PHLPP1: variants seen among roughly 807,000 people sequenced by gnomAD.
PHLPP1 encodes PH domain leucine-rich repeat-containing protein phosphatase 1.
PHLPP1 carries 42 observed loss-of-function variants against 117.2 expected under a neutral mutation model. The observed-to-expected ratio is 0.36, with a 90% confidence interval of 0.28 to 0.46. The LOEUF is 0.46. PHLPP1 is among the 20% of genes least tolerant of loss of function. The pLI is 1.00. For synonymous variants in PHLPP1, 1,042 were observed against 970.7 expected (o/e 1.07, Z -1.37); for missense variants, 2,084 against 2,241.9 (o/e 0.93, Z 1.42).
At chr18:62,848,912 A>T (rs1915251802) in intron 3 of PHLPP1, among the ~76,000 whole-genome samples, 2 of 152,204 alleles carry the variant, frequency 1.3e-5, no homozygotes, top group South Asian at 4.1e-4. Context: ...TTGTACTTCC[A>T]GTGTTTTACA....
At chr18:62,795,483 A>G (rs1161045513) in intron 1 of PHLPP1, among the ~76,000 whole-genome samples, 4 of 129,226 alleles carry the variant, frequency 3.1e-5, no homozygotes, top group African/African-American at 1.3e-4. Context: ...ACAGAGTGAG[A>G]CTCCATCTCA....
At chr18:62,922,370 C>G (rs900692759) in intron 10 of PHLPP1, among the ~76,000 whole-genome samples, 4 of 152,212 alleles carry the variant, frequency 2.6e-5, no homozygotes, top group Admixed American at 6.5e-5. Flanking sequence ...CTTCTGATCT[C>G]AAGTGATCCA....
At position 62,977,603 on chromosome 18, in the gene PHLPP1, CT is replaced by C. The variant is rs1414715329; in HGVS notation, c.3985-656del. Among the ~76,000 whole-genome samples the C allele has an allele frequency of 2.6e-5, 4 of 152,194 alleles. No individual in the cohort carries two copies. In the East Asian group the frequency reaches 7.7e-4, roughly 29 times the overall value. ...GAAGTTGTAAGAATTGGCATTTCTT[CT>C]TTAGCATCTGTTCTCCTGACATGAG... On this transcript the variant is annotated intron_variant, in intron 16 of 16. Transcript: ENST00000262719.
At chr18:62,822,920 C>T (rs1405130347) in intron 1 of PHLPP1, among the ~76,000 whole-genome samples, 1 of 152,126 alleles carries the variant, frequency 6.6e-6, no homozygotes, top group Non-Finnish European at 1.5e-5. Flanking sequence ...CACCAGTGGT[C>T]TTAGAACAAT....
intron 4 of PHLPP1, among the ~76,000 whole-genome samples, chr18:62,876,939 T>G (rs1032512109): frequency 3.3e-5 from 5 of 152,106 alleles, no homozygotes; most frequent in African/African-American, 1.2e-4. Context: ...AATGGAGAGA[T>G]GGAGGGGCAG....
intron 3 of PHLPP1, among the ~76,000 whole-genome samples, chr18:62,840,549 T>C (rs966470501): frequency 1.3e-5 from 2 of 152,244 alleles, no homozygotes; most frequent in Non-Finnish European, 2.9e-5. Context: ...ATTGTGCTTT[T>C]GTATGTATTT....
chr18:62,931,633 G>T (rs1445570536), intron 10 of PHLPP1, among the ~76,000 whole-genome samples: 1 of 151,132 alleles, frequency 6.6e-6, no homozygotes, highest in African/African-American at 2.4e-5. Context: ...GGTGGCTCAT[G>T]CCTGTAATCC....
intron 4 of PHLPP1, among the ~76,000 whole-genome samples, chr18:62,864,747 A>G (rs760339577): frequency 4.6e-5 from 7 of 152,230 alleles, no homozygotes; most frequent in Non-Finnish European, 7.3e-5. Flanking sequence ...ACCTGCCCAG[A>G]ATTAGAATAC....
At chr18:62,972,729 T>C in intron 15 of PHLPP1, 21 bp downstream of exon 15, 1 of 1,547,376 alleles carries the variant, frequency 6.5e-7, no homozygotes, top group African/African-American at 1.4e-5. Context: ...GAGTTCCTGC[T>C]TACCTGCTGT....
intron 12 of PHLPP1, among the ~76,000 whole-genome samples, chr18:62,947,123 T>C (rs1403534053): frequency 1.3e-5 from 2 of 152,366 alleles, no homozygotes; most frequent in East Asian, 1.9e-4. Flanking sequence ...ACTTTCACAT[T>C]GAGGAAGAGC....
chr18:62,756,033 TTC>T (rs1004767492), intron 1 of PHLPP1, among the ~76,000 whole-genome samples: 1 of 150,618 alleles, frequency 6.6e-6, no homozygotes. Flanking sequence ...AATGATTTTT[TTC>T]TTTCTTTGAC....
intron 16 of PHLPP1, among the ~76,000 whole-genome samples, chr18:62,976,930 C>T (rs1438724928): frequency 2.6e-5 from 4 of 152,230 alleles, no homozygotes; most frequent in Middle Eastern, 3.4e-3. Flanking sequence ...GATGAATTAG[C>T]GAATGGAGCA....
At position 62,760,309 on chromosome 18, in the gene PHLPP1, G is replaced by A. The variant is rs546091467; in HGVS notation, c.1576+43050G>A. 5.3e-5 allele frequency among the ~76,000 whole-genome samples: 8 copies of A among 152,222 alleles called. No homozygotes were observed. The South Asian group carries it at 1.5e-3, about 28-fold the overall frequency. On this transcript the variant is annotated intron_variant, in intron 1 of 16. Transcript: ENST00000262719. ...CACATGGTCTCCTGTTCCCAGTCCCGTTGAATTCCCTTCATTTTATATTAC... is the reference window on the plus strand; with the variant it reads ...CACATGGTCTCCTGTTCCCAGTCCCATTGAATTCCCTTCATTTTATATTAC...
At chr18:62,728,799 G>T (rs1478292965) in intron 1 of PHLPP1, among the ~76,000 whole-genome samples, 3 of 152,092 alleles carry the variant, frequency 2.0e-5, no homozygotes, top group Non-Finnish European at 2.9e-5. Flanking sequence ...GAGCCACTGC[G>T]CCTGGCCTGG....
At chr18:62,801,247 T>A (rs1307539456) in intron 1 of PHLPP1, among the ~76,000 whole-genome samples, 1 of 151,514 alleles carries the variant, frequency 6.6e-6, no homozygotes, top group Non-Finnish European at 1.5e-5. Flanking sequence ...TTCACCATGT[T>A]GGCCAGGCTG....
chr18:62,758,100 G>A (rs773165667), intron 1 of PHLPP1, among the ~76,000 whole-genome samples: 1 of 152,038 alleles, frequency 6.6e-6, no homozygotes, highest in Non-Finnish European at 1.5e-5. Flanking sequence ...TTCTCCAAGT[G>A]CTCTAAAAAA....
chr18:62,779,843 T>C (rs1913069350), intron 1 of PHLPP1, among the ~76,000 whole-genome samples: 1 of 152,168 alleles, frequency 6.6e-6, no homozygotes, highest in Non-Finnish European at 1.5e-5. Context: ...TCAGGCCATG[T>C]GTTCTGTTTT....
At chr18:62,751,731 G>A (rs1911860184) in intron 1 of PHLPP1, among the ~76,000 whole-genome samples, 1 of 152,126 alleles carries the variant, frequency 6.6e-6, no homozygotes, top group Admixed American at 6.5e-5. Flanking sequence ...GTCATTTGGG[G>A]TGGATGGAGG....
At chr18:62,838,127 T>C (rs1914958522) in intron 2 of PHLPP1, 1 of 152,132 alleles carries the variant, frequency 6.6e-6, no homozygotes, top group Non-Finnish European at 1.5e-5. Context: ...GATTTTGATA[T>C]GTAGTTTTTC....
Sources: allele counts gnomAD v4.1 joint callset (sites outside exome capture counted in the v4.1 genomes callset), GRCh38; gene constraint gnomAD v4.1.1; transcripts MANE v1.5; gene names NCBI Gene and HGNC (gene_info 2026-07-23, HGNC 2026-07-21).